The following MSH3 variants were observed in gnomAD, a reference collection of about 807,000 sequenced individuals.
MSH3 encodes DNA mismatch repair protein Msh3.
A neutral mutation model predicts 123.3 loss-of-function variants in MSH3; 106 were observed. The observed-to-expected ratio is 0.86, with a 90% CI of 0.73 to 1.01. The LOEUF (loss-of-function observed/expected upper bound fraction) is 1.01, where lower values mean the gene tolerates loss of function less well. MSH3 is among the 50% of genes least tolerant of loss of function. The pLI is 0.00. For synonymous variants in MSH3, 515 were observed against 481.4 expected (o/e 1.07, Z -0.91); for missense variants, 1,459 against 1,347.6 (o/e 1.08, Z -1.29).
chr5:80,859,377 C>T (rs35856198), intron 21 of MSH3, among the ~76,000 whole-genome samples: 21,394 of 152,162 alleles, frequency 0.14, 1,535 homozygotes, highest in East Asian at 0.24. Flanking sequence ...CCATCTGCCT[C>T]GGCCTCCCAA....
chr5:80,798,065 G>T (rs1561481952), intron 19 of MSH3, among the ~76,000 whole-genome samples: 1 of 152,114 alleles, frequency 6.6e-6, no homozygotes, highest in African/African-American at 2.4e-5. Context: ...ACTAATGGAG[G>T]GGAGGGGAAA....
chr5:80,658,035 C>CCTTTTTTTTTTTTTTT (rs369384745), intron 2 of MSH3, among the ~76,000 whole-genome samples: 2 of 87,214 alleles, frequency 2.3e-5, no homozygotes, highest in African/African-American at 5.2e-5. Context: ...GCTTTTTGCC[C>CCTTTTTTTTTTTTTTT]TCTTTTTTTT....
At chr5:80,738,432 A>C (rs568302199) in intron 10 of MSH3, among the ~76,000 whole-genome samples, 2 of 152,228 alleles carry the variant, frequency 1.3e-5, no homozygotes, top group Non-Finnish European at 2.9e-5. Context: ...TAATAGGGAC[A>C]GTTCACTTTT....
rs181218834 is a variant in MSH3 at position 80,744,313 on chromosome 5, C to T, written c.1654-193C>T. ...TTCTTTGGTAACCAAAAACTATAAA[C>T]GATCCCTTTTCTGTGTAAAATGTCA... is the stretch of plus-strand genomic sequence containing the variant. On this transcript the variant is annotated intron_variant, in intron 11 of 23. Coordinates refer to ENST00000265081, the MANE Select transcript of MSH3 (RefSeq NM_002439.5). Among the ~76,000 whole-genome samples the T allele has an allele frequency of 2.2e-3, 328 of 152,236 alleles. 2 individuals carry two copies. Among genetic ancestry groups the T allele is most frequent in the African/African-American group, 7.6e-3 (314 of 41,556 alleles).
chr5:80,713,018 A>G (rs906458470), intron 8 of MSH3, among the ~76,000 whole-genome samples: 7 of 152,168 alleles, frequency 4.6e-5, no homozygotes, highest in Non-Finnish European at 7.3e-5. Flanking sequence ...CATCAGTGCT[A>G]TTATTACCAA....
At chr5:80,849,628 A>T (rs1238356040) in intron 20 of MSH3, among the ~76,000 whole-genome samples, 1 of 152,136 alleles carries the variant, frequency 6.6e-6, no homozygotes, top group East Asian at 1.9e-4. Context: ...CCTGAGCTGT[A>T]CCTTGGCCCC....
chr5:80,775,022 G>A (rs1744275088), intron 15 of MSH3, among the ~76,000 whole-genome samples: 1 of 152,124 alleles, frequency 6.6e-6, no homozygotes, highest in South Asian at 2.1e-4. Flanking sequence ...ACCCTGATGT[G>A]ATTATTACGC....
At chr5:80,656,361 G>C in intron 1 of MSH3, 50 bp from the exon 2 acceptor site, 1 of 1,611,486 alleles carries the variant, frequency 6.2e-7, no homozygotes, top group Non-Finnish European at 8.5e-7. Flanking sequence ...CATACGTCAG[G>C]CCTTCTCAGA....
chr5:80,780,612 A>G (rs1212528854), intron 17 of MSH3, among the ~76,000 whole-genome samples: 1 of 152,208 alleles, frequency 6.6e-6, no homozygotes, highest in Non-Finnish European at 1.5e-5. Context: ...CACACCTGTA[A>G]TCCCAGCAGT....
At chr5:80,749,825 C>T (rs1743800472) in intron 12 of MSH3, among the ~76,000 whole-genome samples, 3 of 152,022 alleles carry the variant, frequency 2.0e-5, no homozygotes, top group Admixed American at 2.0e-4. Flanking sequence ...TCTTGTCTAA[C>T]CAAAACTTTG....
chr5:80,857,009 C>T (rs149365194), intron 21 of MSH3, among the ~76,000 whole-genome samples: 325 of 152,202 alleles, frequency 2.1e-3, no homozygotes, highest in African/African-American at 7.3e-3. Context: ...AGTTTCTCAC[C>T]GTTAAGTATG....
intron 12 of MSH3, among the ~76,000 whole-genome samples, chr5:80,760,795 T>C (rs1744019590): frequency 2.0e-5 from 3 of 152,218 alleles, no homozygotes; most frequent in African/African-American, 7.2e-5. Flanking sequence ...CTTGCCTAGC[T>C]GGCAAAGGGG....
chr5:80,806,245 T>C (rs907344732), intron 19 of MSH3, among the ~76,000 whole-genome samples: 1 of 152,196 alleles, frequency 6.6e-6, no homozygotes, highest in Non-Finnish European at 1.5e-5. Context: ...ATTACTGGCA[T>C]GTGCCACCAC....
chr5:80,753,285 C>A (rs1237128213), intron 12 of MSH3, among the ~76,000 whole-genome samples: 1 of 152,120 alleles, frequency 6.6e-6, no homozygotes. Context: ...AGGGGGAAGG[C>A]TGGGTGCTTG....
intron 8 of MSH3, among the ~76,000 whole-genome samples, chr5:80,710,533 A>T (rs1015206648): frequency 2.6e-5 from 4 of 152,206 alleles, no homozygotes; most frequent in Admixed American, 1.3e-4. Flanking sequence ...AGCTTTATTT[A>T]TGAAGGTATT....
intron 20 of MSH3, 47 bp from the exon 21 acceptor site, chr5:80,854,083 A>G: frequency 6.8e-7 from 1 of 1,470,598 alleles, no homozygotes; most frequent in Non-Finnish European, 9.5e-7. Flanking sequence ...CGGCTTCCTA[A>G]TAAGAAAGTG....
intron 21 of MSH3, chr5:80,855,969 G>A (rs1231211739): frequency 3.6e-5 from 5 of 140,362 alleles, no homozygotes; most frequent in Non-Finnish European, 6.0e-5. Flanking sequence ...CTGCAGCCTC[G>A]ACCTACCTGG....
chr5:80,865,435 A>G (rs1269299315), intron 22 of MSH3, among the ~76,000 whole-genome samples: 1 of 152,202 alleles, frequency 6.6e-6, no homozygotes, highest in Non-Finnish European at 1.5e-5. Flanking sequence ...TGGTTTGACC[A>G]TGTCAACCAC....
chr5:80,762,730 T>G, intron 13 of MSH3, among the ~76,000 whole-genome samples: 1 of 151,384 alleles, frequency 6.6e-6, no homozygotes. Flanking sequence ...TGTGCCTAAA[T>G]TTTTATTTTA....
Sources: allele counts gnomAD v4.1 joint callset (sites outside exome capture counted in the v4.1 genomes callset), GRCh38; gene constraint gnomAD v4.1.1; transcripts MANE v1.5; gene names NCBI Gene and HGNC (gene_info 2026-07-23, HGNC 2026-07-21).